The following CCDC91 variants were observed in gnomAD, a reference collection of about 807,000 sequenced individuals.
The protein encoded by CCDC91 is coiled-coil domain-containing protein 91.
A neutral mutation model predicts 63.2 loss-of-function variants in CCDC91; 48 were observed. That is an observed-to-expected ratio of 0.76 (90% CI 0.60 to 0.97). The LOEUF (loss-of-function observed/expected upper bound fraction) is 0.97. Ranked by LOEUF, CCDC91 falls within the 50% of genes least tolerant of loss-of-function variation. The probability of loss-of-function intolerance (pLI) is 0.00; values close to 1 mark genes in which losing one functional copy is unlikely to be tolerated. For synonymous variants in CCDC91, 167 were observed against 165.8 expected (o/e 1.01, Z -0.06); for missense variants, 500 against 494.6 (o/e 1.01, Z -0.10).
At chr12:28,482,704 A>G (rs867891149) in intron 11 of CCDC91, among the ~76,000 whole-genome samples, 1 of 151,986 alleles carries the variant, frequency 6.6e-6, no homozygotes, top group Non-Finnish European at 1.5e-5. Flanking sequence ...GCTTCTTATA[A>G]GAAGAAATTT....
chr12:28,520,587 T>G (rs916688529), intron 12 of CCDC91, among the ~76,000 whole-genome samples: 5 of 152,196 alleles, frequency 3.3e-5, no homozygotes, highest in Non-Finnish European at 7.3e-5. Flanking sequence ...TAGATCCCAT[T>G]TGTCAATTTT....
At chr12:28,402,066 T>C (rs980620221) in intron 8 of CCDC91, among the ~76,000 whole-genome samples, 3 of 152,152 alleles carry the variant, frequency 2.0e-5, no homozygotes, top group African/African-American at 7.2e-5. Flanking sequence ...TCCATTGATC[T>C]AGTATTTCTC....
intron 1 of CCDC91, among the ~76,000 whole-genome samples, chr12:28,247,308 G>T (rs1429953622): frequency 1.3e-5 from 2 of 151,908 alleles, no homozygotes; most frequent in African/African-American, 4.8e-5. Context: ...GTGAAACCCC[G>T]CCTCTACTAA....
chr12:28,384,747 C>A (rs369783747), intron 7 of CCDC91, among the ~76,000 whole-genome samples: 2 of 151,794 alleles, frequency 1.3e-5, no homozygotes, highest in East Asian at 1.9e-4. Flanking sequence ...TGTGTCTTTT[C>A]ATGTGATTTT....
chr12:28,502,223 C>T (rs1938003904), intron 12 of CCDC91, among the ~76,000 whole-genome samples: 1 of 151,914 alleles, frequency 6.6e-6, no homozygotes, highest in Admixed American at 6.6e-5. Context: ...TGATAAGCAA[C>T]TTCAGCAAAG....
intron 8 of CCDC91, among the ~76,000 whole-genome samples, chr12:28,396,666 G>T (rs1038982070): frequency 6.6e-6 from 1 of 151,122 alleles, no homozygotes; most frequent in Non-Finnish European, 1.5e-5. Context: ...GTGTGTGTGT[G>T]TGTGTGTGTG....
chr12:28,360,717 G>T (rs1592422296), intron 6 of CCDC91, among the ~76,000 whole-genome samples: 2 of 152,162 alleles, frequency 1.3e-5, no homozygotes, highest in African/African-American at 4.8e-5. Flanking sequence ...AAACAACTCT[G>T]CAGATTTTAG....
chr12:28,344,358 T>C (rs559132081), intron 6 of CCDC91, among the ~76,000 whole-genome samples: 2 of 152,274 alleles, frequency 1.3e-5, no homozygotes, highest in African/African-American at 4.8e-5. Context: ...CTCCAATGAA[T>C]ATGTATTAGA....
In CCDC91 at chr12:28,503,830, C is replaced by T. The variant is rs556457376; in HGVS notation, c.1215+19665C>T. Among the ~76,000 whole-genome samples the T allele has an allele frequency of 2.8e-3, 421 of 151,672 alleles. 1 individual carries two copies. Among genetic ancestry groups the T allele is most frequent in the African/African-American group, 9.8e-3 (405 of 41,350 alleles). ...AATCATCATTCTCAGTAAACTATCA[C>T]AAGGACAAAAAACCAAACACCACAT... On this transcript the variant is annotated intron_variant, in intron 12 of 12. Transcript: ENST00000536442.
In CCDC91 at chr12:28,281,642, C is replaced by G. The variant is rs181990789; in HGVS notation, c.109+22200C>G. Among the ~76,000 whole-genome samples the G allele has an allele frequency of 2.5e-3, 377 of 152,214 alleles. 2 individuals carry two copies. Among genetic ancestry groups the G allele is most frequent in the South Asian group, 0.012 (56 of 4,822 alleles). The stretch of plus-strand genomic sequence containing the variant: ...TTCTTTTGTGTATGTGTATGTTTCT[C>G]TGAATCTATTTAAGTATAGGTTTTG... On this transcript the variant is annotated intron_variant, in intron 3 of 12. Coordinates refer to ENST00000536442, the MANE Select transcript of CCDC91 (RefSeq NM_018318.5).
In CCDC91 at chr12:28,462,226, T is replaced by C. The variant is rs550410043; in HGVS notation, c.1101+9572T>C. On this transcript the variant is annotated intron_variant, in intron 11 of 12. Transcript: ENST00000536442. ...AAAAGCAAATACTATGCAAAAACCA[T>C]TGTGGAACAGAACATGAGAGTGTTA... 9.2e-5 allele frequency among the ~76,000 whole-genome samples: 14 copies of C among 152,224 alleles called. No homozygotes were observed. The South Asian group carries it at 2.7e-3, about 29-fold the overall frequency.
rs181577141 is a variant in CCDC91, at chr12:28,295,629, T to A, written c.110-10020T>A. On this transcript the variant is annotated intron_variant, in intron 3 of 12. Coordinates refer to ENST00000536442, the MANE Select transcript of CCDC91 (RefSeq NM_018318.5). ...CTTACATTACATAGTGTCTTGAATATAGTGCTACTCTACGATTGTATTTTG... is the reference window on the plus strand; with the variant it reads ...CTTACATTACATAGTGTCTTGAATAAAGTGCTACTCTACGATTGTATTTTG... Among the ~76,000 whole-genome samples the A allele has an allele frequency of 3.3e-5, 5 of 152,260 alleles. No homozygotes were observed. In the East Asian group the frequency reaches 7.7e-4, roughly 23 times the overall value.
intron 3 of CCDC91, among the ~76,000 whole-genome samples, chr12:28,264,484 G>A (rs1291378752): frequency 1.3e-5 from 2 of 151,048 alleles, no homozygotes; most frequent in African/African-American, 4.9e-5. Flanking sequence ...TAAGAGCAGA[G>A]ACTTTTCAAA....
At chr12:28,385,967 C>G (rs1945572461) in intron 7 of CCDC91, among the ~76,000 whole-genome samples, 1 of 152,078 alleles carries the variant, frequency 6.6e-6, no homozygotes, top group Non-Finnish European at 1.5e-5. Context: ...GACTTAATAC[C>G]TTTGTTTTCT....
chr12:28,324,992 A>G (rs1227455983), intron 6 of CCDC91, among the ~76,000 whole-genome samples: 1 of 151,942 alleles, frequency 6.6e-6, no homozygotes, highest in Non-Finnish European at 1.5e-5. Flanking sequence ...GAAGCATTCA[A>G]AAGCTCTCAA....
chr12:28,309,202 G>C (rs1367193200), intron 6 of CCDC91, among the ~76,000 whole-genome samples: 1 of 151,992 alleles, frequency 6.6e-6, no homozygotes, highest in African/African-American at 2.4e-5. Flanking sequence ...TGTCTTTTCA[G>C]TGCCTGTGAT....
At chr12:28,466,355 A>C (rs1272068947) in intron 11 of CCDC91, among the ~76,000 whole-genome samples, 1 of 152,198 alleles carries the variant, frequency 6.6e-6, no homozygotes, top group Non-Finnish European at 1.5e-5. Flanking sequence ...TCCAAGCCCA[A>C]AAAGTTTATA....
intron 12 of CCDC91, among the ~76,000 whole-genome samples, chr12:28,501,894 G>A (rs1347302649): frequency 6.6e-6 from 1 of 151,488 alleles, no homozygotes; most frequent in Non-Finnish European, 1.5e-5. Flanking sequence ...GCCTGTTATT[G>A]GTCTATTCAG....
intron 7 of CCDC91, among the ~76,000 whole-genome samples, chr12:28,368,562 ATAT>A (rs1246016869): frequency 1.2e-4 from 18 of 152,210 alleles, no homozygotes; most frequent in African/African-American, 3.1e-4. Flanking sequence ...AAATCTCTAA[ATAT>A]TATTGTTGAA....
Sources: gnomAD v4.1 joint callset for allele counts (sites outside exome capture counted in the v4.1 genomes callset) on GRCh38, gnomAD v4.1.1 for gene constraint, MANE v1.5 for transcripts, NCBI Gene and HGNC (gene_info 2026-07-23, HGNC 2026-07-21) for gene names.